The following L3MBTL4 variants were observed in gnomAD, a reference collection of about 807,000 sequenced individuals.
L3MBTL4 encodes the protein L3MBTL histone methyl-lysine binding protein 4, also known as lethal(3)malignant brain tumor-like protein 4.
L3MBTL4 carries 70 observed loss-of-function variants against 84.5 expected under a neutral mutation model. The observed-to-expected ratio is 0.83, with a 90% CI of 0.68 to 1.01. The LOEUF (loss-of-function observed/expected upper bound fraction) is 1.01. Ranked by LOEUF, L3MBTL4 falls within the 50% of genes least tolerant of loss-of-function variation. The pLI, the probability that L3MBTL4 is intolerant of heterozygous loss-of-function variation, is 0.00. For synonymous variants in L3MBTL4, 274 were observed against 259.8 expected (o/e 1.05, Z -0.52); for missense variants, 715 against 754.8 (o/e 0.95, Z 0.62).
intron 16 of L3MBTL4, among the ~76,000 whole-genome samples, chr18:5,994,753 C>T (rs896411157): frequency 6.6e-6 from 1 of 152,180 alleles, no homozygotes; most frequent in African/African-American, 2.4e-5. Flanking sequence ...CCAATACTTG[C>T]TGGGTTCTCC....
At chr18:6,185,961 T>TATTTTATTTATTTTA (rs527320415) in intron 12 of L3MBTL4, among the ~76,000 whole-genome samples, 1 of 96,844 alleles carries the variant, frequency 1.0e-5, no homozygotes, top group African/African-American at 4.7e-5. Context: ...GGGCACTTTC[T>TATTTTATTTATTTTA]TTATTTTATT....
intron 14 of L3MBTL4, among the ~76,000 whole-genome samples, chr18:6,105,396 G>T (rs556020963): frequency 1.3e-5 from 2 of 151,368 alleles, no homozygotes; most frequent in African/African-American, 4.8e-5. Context: ...CACCATGTTG[G>T]CCAGGCTGGT....
intron 1 of L3MBTL4, among the ~76,000 whole-genome samples, chr18:6,376,343 C>T (rs2054369709): frequency 6.6e-6 from 1 of 152,224 alleles, no homozygotes; most frequent in Non-Finnish European, 1.5e-5. Flanking sequence ...GCTGTCACAT[C>T]AGTCTGTTTT....
In L3MBTL4 at chr18:6,135,533, C is replaced by T. The variant is rs1325866120; in HGVS notation, c.1199+2661G>A. 3.3e-5 allele frequency among the ~76,000 whole-genome samples: 5 copies of T among 152,174 alleles called. No individual in the cohort carries two copies. The East Asian group carries it at 9.6e-4, about 29-fold the overall frequency. On this transcript the variant is annotated intron_variant, in intron 14 of 18. Coordinates refer to ENST00000317931, the MANE Select transcript of L3MBTL4 (RefSeq NM_001330559.2). ...TGCTTTGCTGCTTAGAAATTTCTTC[C>T]ACCAGATACCCTAAATCATCTTTCT...
chr18:6,316,773 C>T (rs987619174), intron 1 of L3MBTL4, among the ~76,000 whole-genome samples: 7 of 152,092 alleles, frequency 4.6e-5, no homozygotes, highest in Admixed American at 4.6e-4. Flanking sequence ...TTCCTGCTGG[C>T]CTGGCAGAAG....
intron 4 of L3MBTL4, among the ~76,000 whole-genome samples, chr18:6,270,916 G>A (rs2048838567): frequency 6.6e-6 from 1 of 152,180 alleles, no homozygotes; most frequent in Non-Finnish European, 1.5e-5. Flanking sequence ...CACTAGGTAA[G>A]GATGAAAAGG....
In L3MBTL4 at chr18:6,151,061, C is replaced by T. The variant is rs115640379; in HGVS notation, c.1097-12765G>A. Among the ~76,000 whole-genome samples, 498 of 152,204 alleles carry T rather than the reference C, an allele frequency of 3.3e-3. 2 individuals are homozygous for T. Among genetic ancestry groups the T allele is most frequent in the African/African-American group, 0.011 (463 of 41,524 alleles). On this transcript the variant is annotated intron_variant, in intron 13 of 18. Transcript: ENST00000317931. Reference sequence around the variant, plus strand: ...AGGACCAGGAGAGCCTGGGAGTCTACTAGAAGAAAACGGATCCCCTTACTG... The same window carrying T: ...AGGACCAGGAGAGCCTGGGAGTCTATTAGAAGAAAACGGATCCCCTTACTG...
intron 17 of L3MBTL4, among the ~76,000 whole-genome samples, chr18:5,968,696 CTAAATAAAATAAAAT>C (rs950740323): frequency 4.7e-5 from 4 of 84,826 alleles, no homozygotes; most frequent in African/African-American, 1.9e-4. Context: ...GACCTTGTCT[CTAAATAAAATAAAAT>C]AAAATAAAAT....
chr18:6,298,042 A>T (rs2050179129), intron 4 of L3MBTL4, among the ~76,000 whole-genome samples: 1 of 152,236 alleles, frequency 6.6e-6, no homozygotes, highest in South Asian at 2.1e-4. Flanking sequence ...TATCATTAGG[A>T]GAAATGTCAA....
intron 12 of L3MBTL4, among the ~76,000 whole-genome samples, chr18:6,189,339 A>AC (rs1218733912): frequency 2.6e-5 from 4 of 152,180 alleles, no homozygotes; most frequent in African/African-American, 9.7e-5. Flanking sequence ...AGTCACAATC[A>AC]CAGGTTCTGG....
chr18:6,313,729 T>C (rs1481879707), intron 1 of L3MBTL4, among the ~76,000 whole-genome samples: 2 of 152,082 alleles, frequency 1.3e-5, no homozygotes, highest in African/African-American at 4.8e-5. Flanking sequence ...CTCCTCACCA[T>C]CAAAAATGAT....
intron 13 of L3MBTL4, among the ~76,000 whole-genome samples, chr18:6,166,084 G>T (rs2043638129): frequency 2.0e-5 from 3 of 152,174 alleles, no homozygotes. Context: ...GACAAAGAAG[G>T]TCATTACATA....
chr18:6,236,454 G>C (rs2047218372), intron 10 of L3MBTL4, among the ~76,000 whole-genome samples: 1 of 152,160 alleles, frequency 6.6e-6, no homozygotes, highest in African/African-American at 2.4e-5. Context: ...AATTTTTCTA[G>C]GCTCACACAA....
At chr18:5,984,310 G>A (rs1342377255) in intron 16 of L3MBTL4, among the ~76,000 whole-genome samples, 2 of 152,216 alleles carry the variant, frequency 1.3e-5, no homozygotes, top group African/African-American at 2.4e-5. Flanking sequence ...CCACATTTCT[G>A]AAGTATGATA....
chr18:6,016,639 G>A (rs1384064619), intron 16 of L3MBTL4, among the ~76,000 whole-genome samples: 4 of 152,124 alleles, frequency 2.6e-5, no homozygotes, highest in Admixed American at 2.0e-4. Flanking sequence ...TCCTGCTCCC[G>A]TTCTGAGTCT....
rs765638096 is a variant in L3MBTL4, at chr18:6,340,884, G to C, written c.-90-28828C>G. Among the ~76,000 whole-genome samples the C allele has an allele frequency of 8.5e-5, 13 of 152,134 alleles. 1 individual carries two copies. The highest frequency in any genetic ancestry group is 1.3e-4 in the Non-Finnish European group (9 of 68,022). On this transcript the variant is annotated intron_variant, in intron 1 of 18. Coordinates refer to ENST00000317931, the MANE Select transcript of L3MBTL4 (RefSeq NM_001330559.2). ...CTTAGCAGCCAATCCAACTCTGCTA[G>C]ATTGGGATAATGTGTGCAATCTGAA...
At chr18:6,158,234 G>C (rs2043179501) in intron 13 of L3MBTL4, among the ~76,000 whole-genome samples, 1 of 152,208 alleles carries the variant, frequency 6.6e-6, no homozygotes, top group Non-Finnish European at 1.5e-5. Context: ...AATGACAACT[G>C]AGATGATTAC....
rs779084041 is a variant in L3MBTL4, at chr18:6,264,147, T to C, written c.128-109A>G. On this transcript the variant is annotated intron_variant, in intron 4 of 18. Transcript: ENST00000317931. Reference sequence around the variant, plus strand: ...GCAGGCTAATTAGTTAAATTGGTAGTTGAAAGACCCAGCAACTAAGAAGAG... The same window carrying C: ...GCAGGCTAATTAGTTAAATTGGTAGCTGAAAGACCCAGCAACTAAGAAGAG... 5.1e-4 allele frequency: 396 copies of C among 769,256 alleles called. 2 individuals carry two copies. Among genetic ancestry groups the C allele is most frequent in the Admixed American group, 1.0e-3 (42 of 41,358 alleles). 47.7% of individuals were successfully genotyped at this position (769,256 alleles called of 1,614,324 possible). A position where few individuals can be genotyped will look rare whatever the true frequency, so the allele number is the denominator to read the frequency against.
In L3MBTL4 at chr18:6,361,541, C is replaced by T. The variant is rs942912535; in HGVS notation, c.-90-49485G>A. Among the ~76,000 whole-genome samples the T allele has an allele frequency of 4.3e-4, 65 of 152,144 alleles. 1 individual carries two copies. Among genetic ancestry groups the T allele is most frequent in the African/African-American group, 1.5e-3 (64 of 41,430 alleles). On this transcript the variant is annotated intron_variant, in intron 1 of 18. Transcript: ENST00000317931. ...GGAACTAAGGTAGATCAGATTAATC[C>T]TTCTCTGAGAGGCTAGATTGTAACA...
Sources: gnomAD v4.1 joint callset for allele counts (sites outside exome capture counted in the v4.1 genomes callset) on GRCh38, gnomAD v4.1.1 for gene constraint, MANE v1.5 for transcripts, NCBI Gene and HGNC (gene_info 2026-07-23, HGNC 2026-07-21) for gene names.